TMEM167A: variants seen among roughly 807,000 people sequenced by gnomAD.
TMEM167A encodes the protein protein kish-A.
TMEM167A carries 8 observed loss-of-function variants against 11.6 expected under a neutral mutation model. That is an observed-to-expected ratio of 0.69 (90% confidence interval 0.40 to 1.24). The LOEUF is 1.24. TMEM167A is among the 50% of genes most tolerant of loss of function. The pLI is 0.01. For missense variants in TMEM167A, 62 were observed against 87.0 expected, an observed-to-expected ratio of 0.71 and a Z score of 1.14; for synonymous variants, 22 against 28.0, an observed-to-expected ratio of 0.79 and a Z score of 0.67.
At chr5:83,064,924 A>T in intron 2 of TMEM167A, 84 bp downstream of exon 2, 1 of 834,490 alleles carries the variant, frequency 1.2e-6, no homozygotes, top group Non-Finnish European at 1.9e-6. Context: ...TGTAGGAATT[A>T]AATTATCTAA....
intron 1 of TMEM167A, among the ~76,000 whole-genome samples, chr5:83,071,592 T>C (rs896520418): frequency 6.6e-6 from 1 of 152,166 alleles, no homozygotes; most frequent in Non-Finnish European, 1.5e-5. Context: ...CACATATATA[T>C]AATTTGCCCA....
chr5:83,066,227 A>T (rs1402969305), intron 1 of TMEM167A, among the ~76,000 whole-genome samples: 1 of 152,210 alleles, frequency 6.6e-6, no homozygotes, highest in African/African-American at 2.4e-5. Flanking sequence ...AAATATGTCA[A>T]TCTCACACAA....
In TMEM167A at chr5:83,054,128, G is replaced by C. The variant is rs1744295685; in HGVS notation, c.*2956C>G. The C allele has an allele frequency of 6.6e-6, 1 of 151,944 alleles. No homozygotes were observed. Among genetic ancestry groups the C allele is most frequent in the South Asian group, 2.1e-4 (1 of 4,828 alleles). 9.4% of individuals were successfully genotyped at this position (151,944 alleles called of 1,614,324 possible). On this transcript the variant is annotated 3_prime_UTR_variant, in exon 4 of 4. Coordinates refer to ENST00000502346, the MANE Select transcript of TMEM167A (RefSeq NM_174909.5). The stretch of plus-strand genomic sequence containing the variant: ...ACTAGACTGATCATCTTATTACTAA[G>C]ATGAAGGAATCTATTGCAAGTTACA...
At chr5:83,071,033 A>G (rs1698926158) in intron 1 of TMEM167A, among the ~76,000 whole-genome samples, 1 of 152,178 alleles carries the variant, frequency 6.6e-6, no homozygotes, top group African/African-American at 2.4e-5. Context: ...GAAGAAATAT[A>G]CACATCAATA....
Position 83,058,541 on chromosome 5 carries a change from A to G in TMEM167A, c.149-1387T>C, listed in dbSNP as rs150447958. On this transcript the variant is annotated intron_variant, in intron 3 of 3. Coordinates refer to ENST00000502346, the MANE Select transcript of TMEM167A (RefSeq NM_174909.5). ...TGGAGAAAAAAGCCCAAGTCACCAA[A>G]CAAAACAAAAACAACCCCATTTGTA... 1.2e-3 allele frequency among the ~76,000 whole-genome samples: 188 copies of G among 152,172 alleles called. 3 individuals are homozygous for G. In the East Asian group the frequency reaches 0.021, roughly 17 times the overall value.
intron 3 of TMEM167A, among the ~76,000 whole-genome samples, chr5:83,058,658 G>T (rs1163771074): frequency 6.6e-6 from 1 of 152,056 alleles, no homozygotes; most frequent in African/African-American, 2.4e-5. Context: ...ATACTTAAAA[G>T]AAATTAATAC....
chr5:83,072,340 A>C, intron 1 of TMEM167A, among the ~76,000 whole-genome samples: 1 of 152,230 alleles, frequency 6.6e-6, no homozygotes, highest in Non-Finnish European at 1.5e-5. Context: ...CAGTATTCTG[A>C]AGGAAAAGAG....
chr5:83,067,808 A>G (rs1744506217), intron 1 of TMEM167A, among the ~76,000 whole-genome samples: 1 of 152,022 alleles, frequency 6.6e-6, no homozygotes, highest in Admixed American at 6.6e-5. Flanking sequence ...CCATCTCTAG[A>G]TAGTTTTTAA....
chr5:83,069,348 A>C (rs1165403911), intron 1 of TMEM167A, among the ~76,000 whole-genome samples: 2 of 152,160 alleles, frequency 1.3e-5, no homozygotes, highest in Non-Finnish European at 2.9e-5. Flanking sequence ...TGAAAAAATA[A>C]TTGCAATTTT....
Position 83,055,969 on chromosome 5 carries a change from A to C in TMEM167A, c.*1115T>G, listed in dbSNP as rs1338156351. 6.6e-6 allele frequency: 1 copy of C among 151,996 alleles called. No individual in the cohort carries two copies. Among genetic ancestry groups the C allele is most frequent in the Non-Finnish European group, 1.5e-5 (1 of 67,920 alleles). 9.4% of individuals were successfully genotyped at this position (151,996 alleles called of 1,614,324 possible). ...CTGAATTTTAGTTGAACCTTAAGAA[A>C]TGTTAACCATGACCTTAAAATAACT... On this transcript the variant is annotated 3_prime_UTR_variant, in exon 4 of 4. Transcript: ENST00000502346.
intron 2 of TMEM167A, among the ~76,000 whole-genome samples, chr5:83,062,447 A>G (rs75192756): frequency 0.016 from 2,467 of 152,260 alleles, 82 homozygotes; most frequent in African/African-American, 0.056. Context: ...AAATGTGCCT[A>G]TATTTTCAAT....
chr5:83,076,053 T>C (rs1195038459), intron 1 of TMEM167A, among the ~76,000 whole-genome samples: 8 of 152,254 alleles, frequency 5.3e-5, no homozygotes, highest in African/African-American at 1.9e-4. Context: ...TCCTTAGTTA[T>C]GTTGTGTTTC....
intron 2 of TMEM167A, 110 bp downstream of exon 2, chr5:83,064,898 A>G: frequency 1.5e-6 from 1 of 672,888 alleles, no homozygotes; most frequent in Non-Finnish European, 2.5e-6. Context: ...AAAAGTTATT[A>G]TAAAACCAAA....
chr5:83,058,039 GTA>G (rs1342865456), intron 3 of TMEM167A, among the ~76,000 whole-genome samples: 1 of 152,070 alleles, frequency 6.6e-6, no homozygotes, highest in Non-Finnish European at 1.5e-5. Flanking sequence ...ATAATCCTGG[GTA>G]TGTGCCTGGC....
chr5:83,071,908 CCACTTGTCAGTTT>C (rs1744567748), intron 1 of TMEM167A, among the ~76,000 whole-genome samples: 3 of 152,204 alleles, frequency 2.0e-5, no homozygotes, highest in Non-Finnish European at 4.4e-5. Context: ...TCTCACATCT[CCACTTGTCAGTTT>C]CATTTCATTT....
rs766758182 is a variant in TMEM167A at position 83,054,885 on chromosome 5, T to C, written c.*2199A>G. 6.6e-6 allele frequency: 1 copy of C among 151,982 alleles called. No individual in the cohort carries two copies. Among genetic ancestry groups the C allele is most frequent in the Non-Finnish European group, 1.5e-5 (1 of 67,932 alleles). The allele number at this position is 151,982 out of a possible 1,614,324, so 9.4% of individuals were successfully genotyped here. On this transcript the variant is annotated 3_prime_UTR_variant, in exon 4 of 4. Coordinates refer to ENST00000502346, the MANE Select transcript of TMEM167A (RefSeq NM_174909.5). Reference sequence around the variant, plus strand: ...ATCTGATGCTTAAATTGATCTTTAATAACCTTCTGCATCCCACCACCCCAC... The same window carrying C: ...ATCTGATGCTTAAATTGATCTTTAACAACCTTCTGCATCCCACCACCCCAC...
At chr5:83,061,974 T>C (rs1744413843) in intron 2 of TMEM167A, 63 bp from the exon 3 acceptor site, 1 of 1,330,896 alleles carries the variant, frequency 7.5e-7, no homozygotes, top group Non-Finnish European at 1.1e-6. Context: ...AATTATTCTC[T>C]TGATATCATA....
rs1580171631 is a variant in TMEM167A at position 83,055,606 on chromosome 5, A to G, written c.*1478T>C. Reference sequence around the variant, plus strand: ...AAACAAACAAACAAAAAATCCCCAGATAACAAAATACAGAAAATCAAACCA... The same window carrying G: ...AAACAAACAAACAAAAAATCCCCAGGTAACAAAATACAGAAAATCAAACCA... On this transcript the variant is annotated 3_prime_UTR_variant, in exon 4 of 4. Coordinates refer to ENST00000502346, the MANE Select transcript of TMEM167A (RefSeq NM_174909.5). The G allele has an allele frequency of 6.6e-6, 1 of 152,132 alleles. No homozygotes were observed. The highest frequency in any genetic ancestry group is 1.9e-4 in the East Asian group (1 of 5,190). The allele number at this position is 152,132 out of a possible 1,614,324, so 9.4% of individuals were successfully genotyped here.
intron 1 of TMEM167A, 76 bp downstream of exon 1, chr5:83,077,245 C>T: frequency 1.2e-6 from 2 of 1,609,422 alleles, no homozygotes; most frequent in Non-Finnish European, 1.7e-6. Flanking sequence ...CGGGCTGCCG[C>T]ACAAACTCCA....
Sources: gnomAD v4.1 joint callset for allele counts (sites outside exome capture counted in the v4.1 genomes callset) on GRCh38, gnomAD v4.1.1 for gene constraint, MANE v1.5 for transcripts, NCBI Gene and HGNC (gene_info 2026-07-23, HGNC 2026-07-21) for gene names.